LYPD6: variants seen among roughly 807,000 people sequenced by gnomAD.
LYPD6 encodes LY6/PLAUR domain containing 6.
A neutral mutation model predicts 22.7 loss-of-function variants in LYPD6; 15 were observed. The observed-to-expected ratio is 0.66, with a 90% CI of 0.44 to 1.02. The LOEUF (loss-of-function observed/expected upper bound fraction) is 1.02, where lower values mean the gene tolerates loss of function less well. LYPD6 is among the 50% of genes least tolerant of loss of function. The pLI, the probability that LYPD6 is intolerant of heterozygous loss-of-function variation, is 0.00. For missense variants in LYPD6, 189 were observed against 208.4 expected (o/e 0.91, Z 0.57); for synonymous variants, 72 against 77.5 (o/e 0.93, Z 0.37).
chr2:149,393,136 C>G (rs747789131), intron 1 of LYPD6, among the ~76,000 whole-genome samples: 1 of 152,194 alleles, frequency 6.6e-6, no homozygotes, highest in Non-Finnish European at 1.5e-5. Context: ...CAAGTCTTCC[C>G]TTGCTTCCGA....
intron 1 of LYPD6, among the ~76,000 whole-genome samples, chr2:149,423,928 G>A (rs1340094715): frequency 6.6e-6 from 1 of 152,106 alleles, no homozygotes; most frequent in Non-Finnish European, 1.5e-5. Flanking sequence ...ATGCCTCTGA[G>A]TAAGCTTGAT....
At chr2:149,339,078 C>T (rs1005363906) in intron 1 of LYPD6, among the ~76,000 whole-genome samples, 6 of 152,124 alleles carry the variant, frequency 3.9e-5, no homozygotes, top group African/African-American at 1.4e-4. Context: ...AAATAGAACT[C>T]TGGCTTGGAA....
intron 1 of LYPD6, among the ~76,000 whole-genome samples, chr2:149,358,962 A>G (rs1306430592): frequency 2.0e-5 from 3 of 152,212 alleles, no homozygotes; most frequent in Non-Finnish European, 4.4e-5. Flanking sequence ...TGACCCCATT[A>G]AAGTACTATC....
intron 1 of LYPD6, 101 bp from the exon 2 acceptor site, chr2:149,437,537 C>A: frequency 1.1e-6 from 1 of 927,164 alleles, no homozygotes; most frequent in Non-Finnish European, 1.6e-6. Context: ...TTCCTTGTGC[C>A]CTGTTGCTCT....
intron 4 of LYPD6, 31 bp downstream of exon 4, chr2:149,468,806 A>T (rs773589668): frequency 1.2e-6 from 2 of 1,609,370 alleles, no homozygotes; most frequent in Admixed American, 1.7e-5. Context: ...GACCAGTACT[A>T]CATAGCCAGC....
In LYPD6 at chr2:149,404,694, C is replaced by A. The variant is rs1381389172; in HGVS notation, c.-71-32944C>A. Among the ~76,000 whole-genome samples, 4 of 152,300 alleles carry A rather than the reference C, an allele frequency of 2.6e-5. No individual in the cohort carries two copies. In the East Asian group the frequency reaches 7.7e-4, roughly 29 times the overall value. On this transcript the variant is annotated intron_variant, in intron 1 of 4. Transcript: ENST00000334166. ...TCGTCTGCAAACAGGGACAATTTGA[C>A]TTCCTCTTTTCGTATTTGAATACCC...
rs146130128 is a variant in LYPD6, at chr2:149,341,047, G to A, written c.-72+10325G>A. Among the ~76,000 whole-genome samples, 14 of 152,174 alleles carry A rather than the reference G, an allele frequency of 9.2e-5. No individual in the cohort carries two copies. In the East Asian group the frequency reaches 1.5e-3, roughly 17 times the overall value. On this transcript the variant is annotated intron_variant, in intron 1 of 4. Coordinates refer to ENST00000334166, the MANE Select transcript of LYPD6 (RefSeq NM_194317.5). The stretch of plus-strand genomic sequence containing the variant: ...GACTTTAATAGAAGTAATATCCTGC[G>A]TTTATATAGTGGCTTTTCATGGAAG...
At chr2:149,337,940 A>T (rs988860943) in intron 1 of LYPD6, among the ~76,000 whole-genome samples, 1 of 152,172 alleles carries the variant, frequency 6.6e-6, no homozygotes, top group Admixed American at 6.5e-5. Flanking sequence ...AGCTTCATCC[A>T]TGTTGCTGCA....
intron 1 of LYPD6, among the ~76,000 whole-genome samples, chr2:149,409,465 T>G (rs1044359910): frequency 6.6e-6 from 1 of 152,190 alleles, no homozygotes; most frequent in Non-Finnish European, 1.5e-5. Flanking sequence ...GGACACCTGG[T>G]TAAGCATTCA....
At chr2:149,356,561 G>A (rs1233312104) in intron 1 of LYPD6, among the ~76,000 whole-genome samples, 2 of 152,134 alleles carry the variant, frequency 1.3e-5, no homozygotes, top group Non-Finnish European at 2.9e-5. Context: ...AAGAACTTGG[G>A]GCAAGACATA....
intron 1 of LYPD6, among the ~76,000 whole-genome samples, chr2:149,398,564 G>A (rs530705669): frequency 4.2e-4 from 64 of 152,190 alleles, no homozygotes; most frequent in African/African-American, 1.5e-3. Flanking sequence ...GAGGAGGCTA[G>A]AGTGGGGAAG....
intron 1 of LYPD6, among the ~76,000 whole-genome samples, chr2:149,428,799 T>C (rs1394884003): frequency 2.0e-5 from 3 of 152,202 alleles, no homozygotes; most frequent in Admixed American, 6.5e-5. Context: ...TGTTTCAACC[T>C]TGTATTTTGA....
chr2:149,435,341 T>C (rs1411860126), intron 1 of LYPD6, among the ~76,000 whole-genome samples: 1 of 152,240 alleles, frequency 6.6e-6, no homozygotes, highest in Non-Finnish European at 1.5e-5. Context: ...CTCCAGTCTT[T>C]TGTCTGTGCA....
intron 1 of LYPD6, among the ~76,000 whole-genome samples, chr2:149,423,563 C>T (rs545317841): frequency 1.3e-5 from 2 of 152,018 alleles, no homozygotes; most frequent in Non-Finnish European, 2.9e-5. Flanking sequence ...AGTGTCCTAG[C>T]CAGGGTGGCA....
intron 1 of LYPD6, among the ~76,000 whole-genome samples, chr2:149,419,784 A>G (rs1683039574): frequency 6.6e-6 from 1 of 152,094 alleles, no homozygotes; most frequent in African/African-American, 2.4e-5. Context: ...TTTTGATCAA[A>G]TTCCTTTGCC....
At chr2:149,372,286 G>A (rs895458828) in intron 1 of LYPD6, among the ~76,000 whole-genome samples, 9 of 152,180 alleles carry the variant, frequency 5.9e-5, no homozygotes, top group Non-Finnish European at 8.8e-5. Context: ...ATAAAGTCCC[G>A]TTCCTCTCTT....
At chr2:149,380,962 T>C (rs1453474380) in intron 1 of LYPD6, among the ~76,000 whole-genome samples, 1 of 151,948 alleles carries the variant, frequency 6.6e-6, no homozygotes, top group Non-Finnish European at 1.5e-5. Flanking sequence ...AAGAAGAGGA[T>C]ATGAAGAAGA....
chr2:149,330,473 C>T (rs981303462), upstream of LYPD6: 2 of 149,454 alleles, frequency 1.3e-5, no homozygotes, highest in Admixed American at 6.7e-5. Flanking sequence ...GCTGATTGGT[C>T]CCGCGGCCCT....
chr2:149,481,821 T>G, the LYPD6 span, among the ~76,000 whole-genome samples: 1 of 152,242 alleles, frequency 6.6e-6, no homozygotes, highest in East Asian at 1.9e-4. Flanking sequence ...TAAAAAAATT[T>G]TCCAATTTTA....
Sources: allele counts gnomAD v4.1 joint callset (sites outside exome capture counted in the v4.1 genomes callset), GRCh38; gene constraint gnomAD v4.1.1; transcripts MANE v1.5; gene names NCBI Gene and HGNC (gene_info 2026-07-23, HGNC 2026-07-21).